Variants in P2RX2 observed in about 807,000 individuals in gnomAD.
P2RX2 encodes P2X purinoceptor 2.
Under a neutral mutation model 54.8 loss-of-function variants are expected in P2RX2, and 50 were observed. The ratio of observed to expected loss-of-function variants is 0.91; its 90% CI spans 0.73 to 1.15. The LOEUF is 1.15. Ranked by LOEUF, P2RX2 falls within the 50% of genes most tolerant of loss-of-function variation. The pLI, the probability that P2RX2 is intolerant of heterozygous loss-of-function variation, is 0.00. For synonymous variants in P2RX2, 289 were observed against 259.4 expected, an observed-to-expected ratio of 1.11 and a Z score of -1.09; for missense variants, 658 against 633.2, an observed-to-expected ratio of 1.04 and a Z score of -0.42.
In P2RX2 at chr12:132,622,178, C is replaced by T. The variant is rs143916415; in HGVS notation, c.*206C>T. 518 of 1,432,846 alleles carry T rather than the reference C, an allele frequency of 3.6e-4. 3 individuals are homozygous for T. The African/African-American group carries it at 6.7e-3, about 18-fold the overall frequency. 88.8% of individuals were successfully genotyped at this position (1,432,846 alleles called of 1,614,324 possible). A position where few individuals can be genotyped will look rare whatever the true frequency, so the allele number is the denominator to read the frequency against. On this transcript the variant is annotated 3_prime_UTR_variant, in exon 11 of 11. Coordinates refer to ENST00000643471, the MANE Select transcript of P2RX2 (RefSeq NM_170682.4). ...GGCATACAGCCCCTGACACCTCCTC[C>T]CCAGCTGGTCCCTACAGGGCTGCTC...
chr12:132,618,823 G>A lies in P2RX2; in HGVS notation c.7G>A (p.Ala3Thr). ...GGTGGGGGCCGCCCGCGCCATGGCC[G>A]CCGCCCAGCCCAAGTACCCCGCCGG... Reference protein sequence around the residue: MAAAQPKYPAGAT... With the variant: MATAQPKYPAGAT... The change falls in exon 1 of 11, where the codon GCC becomes ACC. Residue 3 changes from alanine to threonine, a missense_variant. By Grantham distance (58) the Ala-to-Thr change is moderately conservative. Coordinates refer to ENST00000643471, the MANE Select transcript of P2RX2 (RefSeq NM_170682.4). 4.7e-6 allele frequency: 6 copies of A among 1,273,402 alleles called. No homozygotes were observed. The highest frequency in any genetic ancestry group is 5.8e-5 in the South Asian group (2 of 34,710). 78.9% of individuals were successfully genotyped at this position (1,273,402 alleles called of 1,614,324 possible).
intron 1 of P2RX2, 28 bp from the exon 2 acceptor site, chr12:132,619,411 C>T: frequency 6.2e-7 from 1 of 1,610,580 alleles, no homozygotes; most frequent in Non-Finnish European, 8.5e-7. Context: ...AGGGTCGCCT[C>T]CGGAGCCGGC....
intron 9 of P2RX2, 34 bp downstream of exon 9, chr12:132,621,379 C>T: frequency 6.2e-7 from 1 of 1,613,040 alleles, no homozygotes; most frequent in Non-Finnish European, 8.5e-7. Context: ...GTGGCCAGCC[C>T]TGCTAGCCTG....
At position 132,619,862 on chromosome 12, in the gene P2RX2, G is replaced by GCCACCTGCCTCTCCGACGC. The variant is rs1414380184; in HGVS notation, c.402_420dup (p.Asp141HisfsTer137). 9 of 1,575,694 alleles carry GCCACCTGCCTCTCCGACGC rather than the reference G, an allele frequency of 5.7e-6. No homozygotes were observed. ...ACCCTAGAGCATAAGGGTCCACAAC[G>GCCACCTGCCTCTCCGACGC]CCACCTGCCTCTCCGACGCCGACTG... On this transcript the variant is annotated frameshift_variant, in exon 4 of 11. Transcript: ENST00000643471. LOFTEE classifies it high-confidence loss of function.
In P2RX2 at chr12:132,618,919, G is replaced by C. The variant is rs748249759; in HGVS notation, c.103G>C (p.Val35Leu). 25 of 1,338,190 alleles carry C rather than the reference G, an allele frequency of 1.9e-5. No individual in the cohort carries two copies. Among genetic ancestry groups the C allele is most frequent in the Non-Finnish European group, 2.4e-5 (25 of 1,037,078 alleles). The allele number at this position is 1,338,190 out of a possible 1,614,324, so 82.9% of individuals were successfully genotyped here. Residue 35 changes from valine to leucine, a missense_variant, in exon 1 of 11, where the codon GTG (valine) becomes CTG (leucine). Val to Leu is a conservative substitution (Grantham distance 32). Transcript: ENST00000643471. ...GGACTACGAGACGCCCAAGGTGATC[G>C]TGGTGAGGAACCGGCGCCTGGGGGT... The part of the protein sequence containing the change: ...LWDYETPKVI[V>L]VRNRRLGVLY...
rs1323910179 is a variant in P2RX2, at chr12:132,619,747, C to G, written c.378C>G (p.Pro126=). Residue 126 remains proline, a synonymous_variant, in exon 3 of 11, where the codon CCC becomes CCG. Coordinates refer to ENST00000643471, the MANE Select transcript of P2RX2 (RefSeq NM_170682.4). ...ATHSQTQGTC[P]ESIRVHNATC... Reference sequence around the variant, plus strand: ...ACTCCCAGACCCAGGGAACCTGCCCCGAGGTGAGGGGATCCCGCGGCGCTG... The same window carrying G: ...ACTCCCAGACCCAGGGAACCTGCCCGGAGGTGAGGGGATCCCGCGGCGCTG... 3 of 1,609,698 alleles carry G rather than the reference C, an allele frequency of 1.9e-6. No homozygotes were observed. In the South Asian group the frequency reaches 3.3e-5, roughly 18 times the overall value.
At position 132,621,480 on chromosome 12, in the gene P2RX2, G is replaced by A; in HGVS notation, c.1002G>A (p.Gly334=). 7 of 1,565,382 alleles carry A rather than the reference G, an allele frequency of 4.5e-6. No homozygotes were observed. Among genetic ancestry groups the A allele is most frequent in the Non-Finnish European group, 6.1e-6 (7 of 1,154,036 alleles). The stretch of plus-strand genomic sequence containing the variant: ...ACGACCCCCATTCTCCCCAGGCCGG[G>A]AAGTTCAGCCTGATTCCCACCATTA... ...RIDVIVHGQA[G]KFSLIPTIIN... The change falls in exon 10 of 11, where the codon GGG becomes GGA. Residue 334 remains glycine, a synonymous_variant. Transcript: ENST00000643471.
rs2041639777 is a variant in P2RX2 at position 132,620,890 on chromosome 12, GGGCCTCTCGTGTGCCCTTGT to G, written c.775-109_775-90del. Reference sequence around the variant, plus strand: ...CCTGGGACTGACCCGGGCTCTCGAGGGGCCTCTCGTGTGCCCTTGTGACCCCCTTCCCTGGCCTGGGACTG... The same window carrying G: ...CCTGGGACTGACCCGGGCTCTCGAGGGACCCCCTTCCCTGGCCTGGGACTG... On this transcript the variant is annotated intron_variant, in intron 7 of 10. Transcript: ENST00000643471. 36 of 792,202 alleles carry G rather than the reference GGGCCTCTCGTGTGCCCTTGT, an allele frequency of 4.5e-5. 4 individuals carry two copies. The highest frequency in any genetic ancestry group is 1.1e-4 in the East Asian group (3 of 27,194). The allele number at this position is 792,202 out of a possible 1,614,324, so 49.1% of individuals were successfully genotyped here. A position where few individuals can be genotyped will look rare whatever the true frequency, so the allele number is the denominator to read the frequency against.
rs752713564 is a variant in P2RX2, at chr12:132,621,629, T to C, written c.1073T>C (p.Leu358Pro). 1 of 1,613,398 alleles carries C rather than the reference T, an allele frequency of 6.2e-7. No individual in the cohort carries two copies. The highest frequency in any genetic ancestry group is 8.5e-7 in the Non-Finnish European group (1 of 1,179,634). ...CTCTGCTGGCCCCAGGGCTCCTTCC[T>C]GTGCGACTGGATCTTGCTAACATTC... ...ALTSVGVGSF[L>P]CDWILLTFMN... is the part of the protein sequence containing the mutation. The change falls in exon 11 of 11, where the codon CTG becomes CCG. Residue 358 changes from leucine to proline, a missense_variant. Coordinates refer to ENST00000643471, the MANE Select transcript of P2RX2 (RefSeq NM_170682.4).
chr12:132,621,179 G>C lies in P2RX2; in HGVS notation c.905+48G>C, dbSNP rs371976818. On this transcript the variant is annotated intron_variant, in intron 8 of 10. Transcript: ENST00000643471. Reference sequence around the variant, plus strand: ...GTCCACACTGGCATAGCTGTGGTGGGGTCCCGAGAGGCCCAATGCCTGTGG... The same window carrying C: ...GTCCACACTGGCATAGCTGTGGTGGCGTCCCGAGAGGCCCAATGCCTGTGG... The C allele has an allele frequency of 6.8e-6, 11 of 1,613,792 alleles. No individual in the cohort carries two copies. In the African/African-American group the frequency reaches 1.3e-4, roughly 20 times the overall value.
At position 132,619,463 on chromosome 12, in the gene P2RX2, C is replaced by G. The variant is rs1566291007; in HGVS notation, c.198C>G (p.Ser66Arg). 6.2e-7 allele frequency: 1 copy of G among 1,612,474 alleles called. No homozygotes were observed. The highest frequency in any genetic ancestry group is 8.5e-7 in the Non-Finnish European group (1 of 1,179,434). ...FVWYVFIVQK[S>R]YQESETGPES... The stretch of plus-strand genomic sequence containing the variant: ...GGTACGTATTCATCGTGCAGAAAAG[C>G]TACCAGGAGAGCGAGACGGGCCCCG... The change falls in exon 2 of 11, where the codon AGC (serine) becomes AGG (arginine). Residue 66 changes from serine to arginine, a missense_variant. Ser to Arg is a moderately radical substitution (Grantham distance 110). Transcript: ENST00000643471.
In P2RX2 at chr12:132,620,398, G is replaced by A. The variant is rs781532682; in HGVS notation, c.636-47G>A. On this transcript the variant is annotated intron_variant, in intron 6 of 10. Coordinates refer to ENST00000643471, the MANE Select transcript of P2RX2 (RefSeq NM_170682.4). The stretch of plus-strand genomic sequence containing the variant: ...GCCCAGCCTGAGGGCTGCCTTCTGG[G>A]AATGGGGTATTTGGGGTGCAGGTCT... 1.7e-5 allele frequency: 27 copies of A among 1,614,118 alleles called. No homozygotes were observed. In the South Asian group the frequency reaches 2.5e-4, roughly 15 times the overall value.
Position 132,618,986 on chromosome 12 carries a change from T to TGTGGTGCGCGGGGC in P2RX2, c.172_173+12dup, listed in dbSNP as rs2041495998. ...CAGCTGCTCATCCTGCTCTACTTCG[T>TGTGGTGCGCGGGGC]GTGGTGCGCGGGGCGCGGGGTGCGG... is the stretch of plus-strand genomic sequence containing the variant. On this transcript the variant is annotated frameshift_variant, in exon 1 of 11. Transcript: ENST00000643471. LOFTEE classifies it high-confidence loss of function. The TGTGGTGCGCGGGGC allele has an allele frequency of 8.5e-6, 10 of 1,179,438 alleles. No homozygotes were observed. The highest frequency in any genetic ancestry group is 1.1e-5 in the Non-Finnish European group (10 of 943,552). The allele number at this position is 1,179,438 out of a possible 1,614,324, so 73.1% of individuals were successfully genotyped here. A position where few individuals can be genotyped will look rare whatever the true frequency, so the allele number is the denominator to read the frequency against.
At position 132,621,344 on chromosome 12, in the gene P2RX2, A is replaced by G; in HGVS notation, c.995A>G (p.Gln332Arg). 1.2e-6 allele frequency: 2 copies of G among 1,613,924 alleles called. No homozygotes were observed. Among genetic ancestry groups the G allele is most frequent in the Non-Finnish European group, 1.7e-6 (2 of 1,179,932 alleles). The part of the protein sequence containing the change: ...GIRIDVIVHG[Q>R]AGKFSLIPTI... Reference sequence around the variant, plus strand: ...CGCATTGACGTCATTGTGCATGGACAGGTGCCTGCACCTGCTGGGGGTGGG... The same window carrying G: ...CGCATTGACGTCATTGTGCATGGACGGGTGCCTGCACCTGCTGGGGGTGGG... Residue 332 changes from glutamine to arginine, a missense_variant and splice_region_variant, in exon 9 of 11, where the codon CAG becomes CGG. By Grantham distance (43) the Gln-to-Arg change is conservative (BLOSUM62 1). Transcript: ENST00000643471.
Position 132,619,833 on chromosome 12 carries a change from C to T in P2RX2, c.382-11C>T, listed in dbSNP as rs2041568669. On this transcript the variant is annotated splice_polypyrimidine_tract_variant and intron_variant, in intron 3 of 10. Coordinates refer to ENST00000643471, the MANE Select transcript of P2RX2 (RefSeq NM_170682.4). Reference sequence around the variant, plus strand: ...CTTGCGGGGTCCCTGACTGGGCCGCCTCCACCCTAGAGCATAAGGGTCCAC... The same window carrying T: ...CTTGCGGGGTCCCTGACTGGGCCGCTTCCACCCTAGAGCATAAGGGTCCAC... The T allele has an allele frequency of 1.2e-6, 2 of 1,610,944 alleles. No individual in the cohort carries two copies. Among genetic ancestry groups the T allele is most frequent in the Non-Finnish European group, 1.7e-6 (2 of 1,179,360 alleles).
At position 132,621,281 on chromosome 12, in the gene P2RX2, G is replaced by A. The variant is rs1335340034; in HGVS notation, c.932G>A (p.Gly311Asp). 2.5e-6 allele frequency: 4 copies of A among 1,613,918 alleles called. No individual in the cohort carries two copies. Among genetic ancestry groups the A allele is most frequent in the Middle Eastern group, 1.6e-4 (1 of 6,082 alleles). Residue 311 changes from glycine to aspartate, a missense_variant, in exon 9 of 11, where the codon GGC (glycine) becomes GAC (aspartate). By Grantham distance (94) the Gly-to-Asp change is moderately conservative. Coordinates refer to ENST00000643471, the MANE Select transcript of P2RX2 (RefSeq NM_170682.4). ...TTTGCCAAATACTACAAGATCAATG[G>A]CACCACCACCCGCACGCTCATCAAG... ...FRFAKYYKIN[G>D]TTTRTLIKAY...
In P2RX2 at chr12:132,619,000, CGCGGGGT is replaced by C. The variant is rs2041498002; in HGVS notation, c.173+18_173+24del. The C allele has an allele frequency of 1.2e-5, 2 of 162,400 alleles. No individual in the cohort carries two copies. Among genetic ancestry groups the C allele is most frequent in the East Asian group, 1.8e-3 (1 of 562 alleles). The allele number at this position is 162,400 out of a possible 1,614,324, so 10.1% of individuals were successfully genotyped here. A position where few individuals can be genotyped will look rare whatever the true frequency, so the allele number is the denominator to read the frequency against. ...GCTCTACTTCGTGTGGTGCGCGGGG[CGCGGGGT>C]GCGGGGCGCGGGGTGCGGGGCGCAG... On this transcript the variant is annotated intron_variant, in intron 1 of 10. Coordinates refer to ENST00000643471, the MANE Select transcript of P2RX2 (RefSeq NM_170682.4).
chr12:132,620,885 T>G, intron 7 of P2RX2, 116 bp from the exon 8 acceptor site: 1 of 615,224 alleles, frequency 1.6e-6, no homozygotes, highest in South Asian at 4.0e-5. Context: ...ACCCGGGCTC[T>G]CGAGGGGCCT....
At chr12:132,620,210 G>T in intron 5 of P2RX2, 57 bp from the exon 6 acceptor site, 1 of 1,554,078 alleles carries the variant, frequency 6.4e-7, no homozygotes, top group Admixed American at 1.7e-5. Flanking sequence ...GGGGGCCAAT[G>T]CCAGGCGGGG....
Sources: allele counts gnomAD v4.1 joint callset, GRCh38; gene constraint gnomAD v4.1.1; transcripts MANE v1.5; gene names NCBI Gene and HGNC (gene_info 2026-07-23, HGNC 2026-07-21).